The following TBC1D5 variants were observed in gnomAD, a reference collection of about 807,000 sequenced individuals.
The protein encoded by TBC1D5 is TBC1 domain family, member 5.
A neutral mutation model predicts 100.3 loss-of-function variants in TBC1D5; 75 were observed. That is an observed-to-expected ratio of 0.75 (90% CI 0.62 to 0.91). The LOEUF is 0.91. TBC1D5 is among the 40% of genes least tolerant of loss of function. The pLI is 0.00. For synonymous variants in TBC1D5, 323 were observed against 325.6 expected (o/e 0.99, Z 0.09); for missense variants, 910 against 942.4 (o/e 0.97, Z 0.45).
At chr3:17,176,981 A>C (rs116493158) in intron 19 of TBC1D5, among the ~76,000 whole-genome samples, 4,541 of 152,268 alleles carry the variant, frequency 0.03, 200 homozygotes, top group African/African-American at 0.1. Flanking sequence ...ACTGGGGGCC[A>C]CTGTGGTCAC....
chr3:17,223,950 G>T (rs2074566651), intron 17 of TBC1D5, among the ~76,000 whole-genome samples: 1 of 151,830 alleles, frequency 6.6e-6, no homozygotes, highest in Admixed American at 6.6e-5. Context: ...AAGAAAAAAA[G>T]ACTATGCCAA....
chr3:17,270,836 T>C (rs1029486439), intron 15 of TBC1D5, among the ~76,000 whole-genome samples: 1 of 152,194 alleles, frequency 6.6e-6, no homozygotes, highest in African/African-American at 2.4e-5. Context: ...TGCATATAGT[T>C]AGCCAGTTTT....
At chr3:17,527,198 A>G (rs2096148291) in intron 2 of TBC1D5, among the ~76,000 whole-genome samples, 1 of 152,220 alleles carries the variant, frequency 6.6e-6, no homozygotes, top group South Asian at 2.1e-4. Context: ...GATATGACTG[A>G]AAGCTTATTT....
chr3:17,629,962 A>C (rs1301374367), intron 1 of TBC1D5, among the ~76,000 whole-genome samples: 2 of 152,230 alleles, frequency 1.3e-5, no homozygotes, highest in Non-Finnish European at 2.9e-5. Context: ...AAACTAATAC[A>C]TGAGGGCTAA....
At chr3:17,579,412 A>G (rs1298280927) in intron 2 of TBC1D5, among the ~76,000 whole-genome samples, 2 of 152,078 alleles carry the variant, frequency 1.3e-5, no homozygotes, top group South Asian at 4.1e-4. Context: ...CAATTTGTCA[A>G]TCTTCCTGCT....
chr3:17,637,162 C>T (rs1253814960), intron 1 of TBC1D5, among the ~76,000 whole-genome samples: 20 of 141,602 alleles, frequency 1.4e-4, no homozygotes, highest in Non-Finnish European at 2.9e-4. Flanking sequence ...GCTGGGACTA[C>T]GGGTGTGTGC....
intron 13 of TBC1D5, among the ~76,000 whole-genome samples, chr3:17,310,222 C>T (rs2083866247): frequency 6.6e-6 from 1 of 152,090 alleles, no homozygotes; most frequent in South Asian, 2.1e-4. Context: ...CAGCAATCTT[C>T]ACTGCAGCAG....
intron 1 of TBC1D5, among the ~76,000 whole-genome samples, chr3:17,716,008 T>TG (rs11426295): frequency 0.52 from 78,999 of 151,810 alleles, 22,206 homozygotes; most frequent in East Asian, 0.98. Context: ...GCTGAGACCA[T>TG]GCCGTTGGAC....
chr3:17,570,028 G>C (rs1407125754), intron 2 of TBC1D5, among the ~76,000 whole-genome samples: 2 of 151,830 alleles, frequency 1.3e-5, no homozygotes, highest in African/African-American at 2.4e-5. Flanking sequence ...TAGAAAGTCA[G>C]AGGTTCCACC....
chr3:17,706,439 A>ACACG (rs1491539374), intron 1 of TBC1D5, among the ~76,000 whole-genome samples: 15 of 125,806 alleles, frequency 1.2e-4, no homozygotes, highest in African/African-American at 3.3e-4. Flanking sequence ...ACACACACAC[A>ACACG]CGCGCGCGCA....
exon 22 of TBC1D5, chr3:17,158,527 G>A (rs1254408355): frequency 6.6e-6 from 1 of 152,204 alleles, no homozygotes; most frequent in Non-Finnish European, 1.5e-5. Flanking sequence ...GTCTGAGTAT[G>A]AGCCTGTGGG....
At chr3:17,195,535 T>C (rs573978035) in intron 18 of TBC1D5, among the ~76,000 whole-genome samples, 1 of 152,326 alleles carries the variant, frequency 6.6e-6, no homozygotes, top group East Asian at 1.9e-4. Context: ...AAGACTGTTT[T>C]TCTTATGACA....
chr3:17,397,186 T>TG (rs2093530799), intron 8 of TBC1D5, among the ~76,000 whole-genome samples: 1 of 152,146 alleles, frequency 6.6e-6, no homozygotes, highest in African/African-American at 2.4e-5. Context: ...CCTTTTCTCT[T>TG]GCAAGCAATT....
At position 17,161,098 on chromosome 3, in the gene TBC1D5, T is replaced by TG; in HGVS notation, c.2252dup (p.Val752SerfsTer27). 1 of 1,614,214 alleles carries TG rather than the reference T, an allele frequency of 6.2e-7. No individual in the cohort carries two copies. Among genetic ancestry groups the TG allele is most frequent in the Non-Finnish European group, 8.5e-7 (1 of 1,180,028 alleles). ...CTGAGAACACCAGTGGGGAGCAGAC[T>TG]GGGGCCTGGCTTTTCCCAGAGGTGC... On this transcript the variant is annotated frameshift_variant, in exon 22 of 22. Coordinates refer to ENST00000253692, the Ensembl canonical transcript of TBC1D5. LOFTEE classifies it high-confidence loss of function.
At chr3:17,448,049 T>C (rs1283184270) in intron 3 of TBC1D5, among the ~76,000 whole-genome samples, 3 of 152,162 alleles carry the variant, frequency 2.0e-5, no homozygotes, top group African/African-American at 7.2e-5. Context: ...GTAGTCTCAG[T>C]AGCACTTAGG....
At chr3:17,297,301 G>A (rs1315873596) in intron 14 of TBC1D5, among the ~76,000 whole-genome samples, 1 of 152,200 alleles carries the variant, frequency 6.6e-6, no homozygotes, top group African/African-American at 2.4e-5. Flanking sequence ...TCTTGGCTAG[G>A]CGTGGTGGCT....
intron 3 of TBC1D5, among the ~76,000 whole-genome samples, chr3:17,467,545 A>G (rs1435393524): frequency 6.6e-6 from 1 of 152,020 alleles, no homozygotes; most frequent in Non-Finnish European, 1.5e-5. Flanking sequence ...TACATAATAT[A>G]GACACAAAAA....
At position 17,210,480 on chromosome 3, in the gene TBC1D5, G is replaced by A. The variant is rs567119091; in HGVS notation, c.1752+3727C>T. 4.6e-5 allele frequency among the ~76,000 whole-genome samples: 7 copies of A among 152,242 alleles called. No homozygotes were observed. In the East Asian group the frequency reaches 5.8e-4, roughly 13 times the overall value. ...TGGAATTACAGGCATGAGTCACCAC[G>A]CCCAGCCATTTCTCAGAACTTTCAA... On this transcript the variant is annotated intron_variant, in intron 18 of 21. Transcript: ENST00000253692.
intron 2 of TBC1D5, among the ~76,000 whole-genome samples, chr3:17,572,934 T>C (rs886993919): frequency 6.6e-6 from 1 of 152,128 alleles, no homozygotes; most frequent in African/African-American, 2.4e-5. Flanking sequence ...ATACACTTAT[T>C]CATCTTTGTT....
Sources: gnomAD v4.1 joint callset for allele counts (sites outside exome capture counted in the v4.1 genomes callset) on GRCh38, gnomAD v4.1.1 for gene constraint, MANE v1.5 for transcripts, NCBI Gene and HGNC (gene_info 2026-07-23, HGNC 2026-07-21) for gene names.